MGAT5: variants seen among roughly 807,000 people sequenced by gnomAD.
MGAT5 encodes the protein alpha-1,6-mannosylglycoprotein 6-beta-N-acetylglucosaminyltransferase.
MGAT5 carries 30 observed loss-of-function variants against 94.3 expected under a neutral mutation model. The observed-to-expected ratio is 0.32, with a 90% confidence interval of 0.24 to 0.43. The LOEUF (loss-of-function observed/expected upper bound fraction) is 0.43. MGAT5 is among the 20% of genes least tolerant of loss of function. MGAT5 has a pLI of 1.00. For synonymous variants in MGAT5, 310 were observed against 322.9 expected, an observed-to-expected ratio of 0.96 and a Z score of 0.43; for missense variants, 691 against 905.5, an observed-to-expected ratio of 0.76 and a Z score of 3.04.
chr2:134,170,195 T>C (rs1259309933), intron 1 of MGAT5, among the ~76,000 whole-genome samples: 1 of 152,258 alleles, frequency 6.6e-6, no homozygotes, highest in African/African-American at 2.4e-5. Context: ...CTGACCAAGA[T>C]GCTGAGGATT....
chr2:134,412,555 T>C (rs1419512606), intron 11 of MGAT5, among the ~76,000 whole-genome samples: 1 of 152,050 alleles, frequency 6.6e-6, no homozygotes, highest in Non-Finnish European at 1.5e-5. Flanking sequence ...GTGGTGGTGG[T>C]GGTTGTTTTT....
chr2:134,191,458 AC>A (rs1208465340), intron 1 of MGAT5, among the ~76,000 whole-genome samples: 8 of 139,450 alleles, frequency 5.7e-5, no homozygotes, highest in African/African-American at 1.4e-4. Context: ...CCCTCCCCCT[AC>A]CCCCCCCACC....
intron 14 of MGAT5, among the ~76,000 whole-genome samples, chr2:134,433,465 A>G (rs1027692863): frequency 2.6e-5 from 4 of 152,318 alleles, no homozygotes; most frequent in Non-Finnish European, 5.9e-5. Flanking sequence ...TTTTTTGCTC[A>G]GTGGAATTTT....
At chr2:134,299,360 A>T (rs59092568) in intron 2 of MGAT5, among the ~76,000 whole-genome samples, 185 of 152,324 alleles carry the variant, frequency 1.2e-3, no homozygotes, top group African/African-American at 4.3e-3. Context: ...AGGTGTTCAC[A>T]GGCACCCTGG....
intron 13 of MGAT5, 122 bp downstream of exon 13, chr2:134,423,041 A>G (rs975553198): frequency 5.9e-6 from 4 of 680,826 alleles, no homozygotes; most frequent in Non-Finnish European, 1.0e-5. Flanking sequence ...CTCTGGAATT[A>G]GAAAATAACC....
At chr2:134,440,791 C>T (rs574417765) in intron 14 of MGAT5, among the ~76,000 whole-genome samples, 5 of 152,120 alleles carry the variant, frequency 3.3e-5, no homozygotes, top group Admixed American at 6.5e-5. Context: ...GCACTTCTTA[C>T]GATTTTCACT....
intron 1 of MGAT5, among the ~76,000 whole-genome samples, chr2:134,219,780 T>A (rs1240796738): frequency 2.6e-5 from 4 of 152,182 alleles, no homozygotes; most frequent in Non-Finnish European, 4.4e-5. Context: ...GTGTTTGAAT[T>A]TGGGAACTTC....
intron 1 of MGAT5, among the ~76,000 whole-genome samples, chr2:134,162,627 G>A (rs1296310495): frequency 6.6e-6 from 1 of 152,158 alleles, no homozygotes; most frequent in Non-Finnish European, 1.5e-5. Context: ...GAACAGAGTT[G>A]GGATTTCAAC....
intron 1 of MGAT5, among the ~76,000 whole-genome samples, chr2:134,262,624 G>A (rs972475705): frequency 2.0e-5 from 3 of 152,176 alleles, no homozygotes; most frequent in Admixed American, 1.3e-4. Context: ...GGCCTCAAGC[G>A]ATCCTCCCAC....
At chr2:134,297,626 G>A (rs1217631727) in intron 2 of MGAT5, among the ~76,000 whole-genome samples, 2 of 152,046 alleles carry the variant, frequency 1.3e-5, no homozygotes, top group African/African-American at 2.4e-5. Context: ...TAGAACAAAG[G>A]TCAGAAATCA....
At chr2:134,280,321 T>A (rs571727890) in intron 2 of MGAT5, among the ~76,000 whole-genome samples, 1 of 152,138 alleles carries the variant, frequency 6.6e-6, no homozygotes, top group South Asian at 2.1e-4. Context: ...CTTCTGTACT[T>A]CTTTTACCCT....
At chr2:134,147,771 GTCC>G (rs1016477816) in intron 1 of MGAT5, among the ~76,000 whole-genome samples, 120 of 152,280 alleles carry the variant, frequency 7.9e-4, no homozygotes, top group African/African-American at 2.8e-3. Context: ...ATGGCATCCT[GTCC>G]TCCTCCTTCC....
At chr2:134,296,389 T>C (rs1685674061) in intron 2 of MGAT5, among the ~76,000 whole-genome samples, 1 of 152,196 alleles carries the variant, frequency 6.6e-6, no homozygotes, top group Non-Finnish European at 1.5e-5. Flanking sequence ...CTTAACAGTT[T>C]TTGTGAATTT....
At chr2:134,306,693 A>G (rs2105849238) in intron 2 of MGAT5, among the ~76,000 whole-genome samples, 1 of 152,240 alleles carries the variant, frequency 6.6e-6, no homozygotes, top group African/African-American at 2.4e-5. Flanking sequence ...ACCTGGAGCC[A>G]GGGTGACTCA....
At chr2:134,309,626 CAT>C (rs781636632) in intron 2 of MGAT5, among the ~76,000 whole-genome samples, 2 of 152,176 alleles carry the variant, frequency 1.3e-5, no homozygotes, top group Non-Finnish European at 2.9e-5. Flanking sequence ...TTCTTCCTAT[CAT>C]GTGTGTGCTC....
At chr2:134,189,727 G>A (rs979902687) in intron 1 of MGAT5, among the ~76,000 whole-genome samples, 4 of 150,104 alleles carry the variant, frequency 2.7e-5, no homozygotes, top group South Asian at 2.1e-4. Context: ...TCAGCCTCCC[G>A]AGCAGCTGGG....
At chr2:134,329,449 C>T (rs1237131450) in intron 4 of MGAT5, among the ~76,000 whole-genome samples, 6 of 152,118 alleles carry the variant, frequency 3.9e-5, no homozygotes, top group Middle Eastern at 3.4e-3. Flanking sequence ...TGCCACGCAG[C>T]GGGAGTATAA....
At chr2:134,270,994 A>G (rs1052690638) in intron 2 of MGAT5, among the ~76,000 whole-genome samples, 3 of 152,168 alleles carry the variant, frequency 2.0e-5, no homozygotes, top group Non-Finnish European at 2.9e-5. Context: ...TCCTATGTAT[A>G]TATGGAGAAA....
intron 12 of MGAT5, among the ~76,000 whole-genome samples, chr2:134,421,710 A>G (rs1684302857): frequency 6.6e-6 from 1 of 152,220 alleles, no homozygotes; most frequent in Admixed American, 6.5e-5. Flanking sequence ...TGAAGTGCTT[A>G]TATCCCTGGT....
Sources: gnomAD v4.1 joint callset for allele counts (sites outside exome capture counted in the v4.1 genomes callset) on GRCh38, gnomAD v4.1.1 for gene constraint, MANE v1.5 for transcripts, NCBI Gene and HGNC (gene_info 2026-07-23, HGNC 2026-07-21) for gene names.